The following ABCF1 variants were observed in gnomAD, a reference collection of about 807,000 sequenced individuals.
ABCF1 encodes ATP binding cassette subfamily F member 1.
In ABCF1, 73 loss-of-function variants were observed where a neutral mutation model predicts 126.3. That is an observed-to-expected ratio of 0.58 (90% CI 0.48 to 0.70). ABCF1 has a LOEUF of 0.70. ABCF1 is among the 30% of genes least tolerant of loss of function. The probability of loss-of-function intolerance (pLI) is 0.00; values close to 1 mark genes in which losing one functional copy is unlikely to be tolerated. For synonymous variants in ABCF1, 345 were observed against 396.4 expected (o/e 0.87, Z 1.54); for missense variants, 786 against 1,057.5 (o/e 0.74, Z 3.56).
chr6:30,576,812 T>G (rs769561736), intron 1 of ABCF1, among the ~76,000 whole-genome samples: 5 of 152,160 alleles, frequency 3.3e-5, no homozygotes, highest in Non-Finnish European at 5.9e-5. Context: ...AGGCCCTCAC[T>G]CCAGCCTTAC....
At position 30,585,635 on chromosome 6, in the gene ABCF1, T is replaced by C. The variant is rs1802075589; in HGVS notation, c.1553T>C (p.Ile518Thr). The change falls in exon 16 of 25, where the codon ATC (isoleucine) becomes ACC (threonine). Residue 518 changes from isoleucine (I) to threonine (T), a missense_variant. Physicochemically the swap from Ile to Thr is moderately conservative, Grantham distance 89 (BLOSUM62 -1). This residue lies in a region of ABCF1 where 288 missense variants were observed against 423.5 expected (regional missense o/e 0.68). Coordinates refer to ENST00000326195, the MANE Select transcript of ABCF1 (RefSeq NM_001025091.2). ...TTCTTGGATGATGTCTGCACTGATATCATCCACCTCGATGCCCAGCGGCTC... is the reference window on the plus strand; with the variant it reads ...TTCTTGGATGATGTCTGCACTGATACCATCCACCTCGATGCCCAGCGGCTC... ...QGFLDDVCTDIIHLDAQRLHY... is the reference protein window; with the variant it reads ...QGFLDDVCTDTIHLDAQRLHY... 3 of 1,613,044 alleles carry C rather than the reference T, an allele frequency of 1.9e-6. No homozygotes were observed. The highest frequency in any genetic ancestry group is 1.7e-6 in the Non-Finnish European group (2 of 1,180,030).
Position 30,583,480 on chromosome 6 carries a change from G to A in ABCF1, c.916-128G>A. 9.7e-7 allele frequency: 1 copy of A among 1,025,834 alleles called. No homozygotes were observed. The highest frequency in any genetic ancestry group is 3.0e-4 in the Middle Eastern group (1 of 3,312). The allele number at this position is 1,025,834 out of a possible 1,614,324, so 63.5% of individuals were successfully genotyped here. ...GGGACCGGCTGTGGGGAGAGGAAGG[G>A]GATTATGCTGGAGGTAGCGGTTTGT... is the stretch of plus-strand genomic sequence containing the variant. On this transcript the variant is annotated intron_variant, in intron 10 of 24. Coordinates refer to ENST00000326195, the MANE Select transcript of ABCF1 (RefSeq NM_001025091.2). The surrounding 1 kb of genome is among the most constrained non-coding windows in gnomAD (Gnocchi z 4.1).
chr6:30,579,013 C>G (rs1169657532), intron 6 of ABCF1, among the ~76,000 whole-genome samples: 1 of 151,564 alleles, frequency 6.6e-6, no homozygotes, highest in East Asian at 1.9e-4. Context: ...AAAAAAACAA[C>G]AAAAAAAACC....
Position 30,571,463 on chromosome 6 carries a change from C to T in ABCF1, c.-25C>T, listed in dbSNP as rs1801226271. 1.2e-6 allele frequency: 2 copies of T among 1,602,512 alleles called. No individual in the cohort carries two copies. Among genetic ancestry groups the T allele is most frequent in the Non-Finnish European group, 1.7e-6 (2 of 1,175,430 alleles). On this transcript the variant is annotated 5_prime_UTR_variant, in exon 1 of 25. Transcript: ENST00000326195. ...AAGCGGAAATAGCACCGGGCGCCGC[C>T]ACAGTAGCTGTAACTGCCACCGCGA...
intron 23 of ABCF1, 45 bp downstream of exon 23, chr6:30,590,258 TG>T: frequency 6.2e-7 from 1 of 1,612,578 alleles, no homozygotes; most frequent in Non-Finnish European, 8.5e-7. Flanking sequence ...GTAACAGTAA[TG>T]GAAGACGGGA....
At chr6:30,580,788 C>G (rs1321948553) in intron 8 of ABCF1, among the ~76,000 whole-genome samples, 1 of 152,104 alleles carries the variant, frequency 6.6e-6, no homozygotes, top group African/African-American at 2.4e-5. Flanking sequence ...ATTCTCCTGC[C>G]TCAGCCTACT....
chr6:30,588,041 T>C (rs1802245029), intron 20 of ABCF1, among the ~76,000 whole-genome samples: 1 of 151,814 alleles, frequency 6.6e-6, no homozygotes, highest in African/African-American at 2.4e-5. Context: ...TAGCTGGGAT[T>C]ATAGGTACGC....
chr6:30,582,645 C>A, intron 9 of ABCF1, 138 bp downstream of exon 9: 2 of 931,006 alleles, frequency 2.1e-6, no homozygotes, highest in South Asian at 1.6e-5. Flanking sequence ...TAATTGTGTT[C>A]TGTGAACCTT....
chr6:30,582,919 C>T, intron 9 of ABCF1, 147 bp from the exon 10 acceptor site: 1 of 1,094,658 alleles, frequency 9.1e-7, no homozygotes, highest in Non-Finnish European at 1.3e-6. Flanking sequence ...TCTCAAACTC[C>T]TGAGCTCAAG....
At chr6:30,575,063 CT>C (rs1487448228) in intron 1 of ABCF1, among the ~76,000 whole-genome samples, 24 of 146,872 alleles carry the variant, frequency 1.6e-4, no homozygotes, top group Admixed American at 6.8e-4. Context: ...ATACCATTGA[CT>C]TTTTTTCTTT....
intron 8 of ABCF1, 146 bp downstream of exon 8, chr6:30,580,665 T>C: frequency 1.9e-6 from 1 of 538,738 alleles, no homozygotes; most frequent in South Asian, 4.2e-5. Context: ...GGGTGGTGGT[T>C]CGTTTGTTTT....
At chr6:30,585,782 C>T in intron 16 of ABCF1, 97 bp from the exon 17 acceptor site, 2 of 1,569,836 alleles carry the variant, frequency 1.3e-6, no homozygotes, top group Non-Finnish European at 1.7e-6. Flanking sequence ...GTCAGAATTC[C>T]AGACAGTGAT....
At chr6:30,573,508 T>C (rs928201011) in intron 1 of ABCF1, among the ~76,000 whole-genome samples, 3 of 152,194 alleles carry the variant, frequency 2.0e-5, no homozygotes, top group South Asian at 4.1e-4. Flanking sequence ...TGTTTGCAGA[T>C]TGAACCAAAA....
intron 20 of ABCF1, among the ~76,000 whole-genome samples, chr6:30,587,846 CAAAA>C (rs756565396): frequency 1.3e-5 from 1 of 74,422 alleles, no homozygotes. Context: ...GAGGCTCTGT[CAAAA>C]AAAAAAAAAA....
intron 1 of ABCF1, among the ~76,000 whole-genome samples, chr6:30,572,457 T>G (rs1801302402): frequency 6.6e-6 from 1 of 152,168 alleles, no homozygotes; most frequent in Admixed American, 6.5e-5. Context: ...GAGCATCTAC[T>G]CAGACAGGTA....
chr6:30,577,595 A>G, intron 2 of ABCF1, 140 bp downstream of exon 2: 1 of 1,150,548 alleles, frequency 8.7e-7, no homozygotes, highest in Non-Finnish European at 1.2e-6. Context: ...ACGGTGGCTT[A>G]CACCTGTAAT....
intron 20 of ABCF1, 86 bp from the exon 21 acceptor site, chr6:30,589,602 C>CA (rs112144975): frequency 0.17 from 196,168 of 1,174,768 alleles, 69 homozygotes; most frequent in East Asian, 0.19. Flanking sequence ...GACTCCGTCT[C>CA]AAAAAAAAAA....
At chr6:30,578,637 G>C in intron 6 of ABCF1, 60 bp downstream of exon 6, 1 of 1,442,978 alleles carries the variant, frequency 6.9e-7, no homozygotes, top group Non-Finnish European at 9.7e-7. Flanking sequence ...GGCCATGGTG[G>C]AGTAATTTCC....
chr6:30,572,409 G>A (rs779534063), intron 1 of ABCF1, among the ~76,000 whole-genome samples: 4 of 152,172 alleles, frequency 2.6e-5, no homozygotes, highest in Admixed American at 2.6e-4. Flanking sequence ...GTATGATGAA[G>A]GTGCTTAAGA....
Sources: gnomAD v4.1 joint callset for allele counts (sites outside exome capture counted in the v4.1 genomes callset) on GRCh38, gnomAD v4.1.1 for gene constraint, gnomAD v4.1.1 regional missense constraint, Gnocchi (gnomAD v3.1) non-coding constraint, MANE v1.5 for transcripts, NCBI Gene and HGNC (gene_info 2026-07-23, HGNC 2026-07-21) for gene names.